Variants in MAD1L1 observed in about 807,000 individuals in gnomAD.
The protein encoded by MAD1L1 is mitotic spindle assembly checkpoint protein MAD1.
In MAD1L1, 95 loss-of-function variants were observed where a neutral mutation model predicts 96.9. The ratio of observed to expected loss-of-function variants is 0.98; its 90% confidence interval spans 0.83 to 1.16. The LOEUF (loss-of-function observed/expected upper bound fraction) is 1.16, where lower values mean the gene tolerates loss of function less well. Ranked by LOEUF, MAD1L1 falls within the 50% of genes most tolerant of loss-of-function variation. The pLI is 0.00. For synonymous variants in MAD1L1, 473 were observed against 396.6 expected (o/e 1.19, Z -2.29); for missense variants, 1,007 against 954.4 (o/e 1.06, Z -0.73).
chr7:1,977,654 C>G (rs1452528921), intron 15 of MAD1L1, among the ~76,000 whole-genome samples: 1 of 152,252 alleles, frequency 6.6e-6, no homozygotes, highest in Non-Finnish European at 1.5e-5. Context: ...TGATAAAGGC[C>G]TTTTCTTAAA....
At chr7:1,963,497 C>T (rs117998432) in intron 15 of MAD1L1, among the ~76,000 whole-genome samples, 2,408 of 152,262 alleles carry the variant, frequency 0.016, 25 homozygotes, top group Middle Eastern at 0.044. Context: ...AATGTGGTAA[C>T]GGCTCCATGG....
At chr7:1,911,959 A>T (rs1583756864) in intron 17 of MAD1L1, among the ~76,000 whole-genome samples, 1 of 152,214 alleles carries the variant, frequency 6.6e-6, no homozygotes, top group African/African-American at 2.4e-5. Flanking sequence ...CCCGCCCTCC[A>T]TGCAGCTGCA....
At chr7:2,013,622 G>A (rs1048132236) in intron 13 of MAD1L1, among the ~76,000 whole-genome samples, 6 of 152,272 alleles carry the variant, frequency 3.9e-5, no homozygotes, top group Non-Finnish European at 8.8e-5. Flanking sequence ...TAAGGCACCC[G>A]GCGGCGGCGT....
intron 12 of MAD1L1, among the ~76,000 whole-genome samples, chr7:2,046,626 G>A (rs1047288470): frequency 1.9e-4 from 29 of 152,136 alleles, no homozygotes; most frequent in Non-Finnish European, 3.4e-4. Flanking sequence ...GATCAGAAGC[G>A]ACACAAACCC....
At chr7:1,839,194 G>A (rs1238273411) in intron 18 of MAD1L1, among the ~76,000 whole-genome samples, 4 of 152,176 alleles carry the variant, frequency 2.6e-5, no homozygotes, top group East Asian at 1.9e-4. Flanking sequence ...CCGCAGCTTC[G>A]TGTAGGTGGA....
intron 12 of MAD1L1, among the ~76,000 whole-genome samples, chr7:2,037,109 C>T (rs1783473370): frequency 6.6e-6 from 1 of 152,186 alleles, no homozygotes; most frequent in Non-Finnish European, 1.5e-5. Context: ...ATGCAGCAAA[C>T]GTGGATCAGG....
At chr7:1,838,192 C>G (rs1332804008) in intron 18 of MAD1L1, among the ~76,000 whole-genome samples, 1 of 152,218 alleles carries the variant, frequency 6.6e-6, no homozygotes, top group African/African-American at 2.4e-5. Flanking sequence ...GCACCCGCAG[C>G]CCCTGGGATG....
intron 16 of MAD1L1, among the ~76,000 whole-genome samples, chr7:1,949,173 C>T (rs1257500359): frequency 6.6e-6 from 1 of 152,188 alleles, no homozygotes; most frequent in African/African-American, 2.4e-5. Flanking sequence ...ACTCTGCGGT[C>T]CAGAGTGTGT....
chr7:2,151,421 G>A (rs868138638), intron 10 of MAD1L1, among the ~76,000 whole-genome samples: 50 of 152,196 alleles, frequency 3.3e-4, no homozygotes, highest in African/African-American at 1.1e-3. Flanking sequence ...CACTGGACCT[G>A]AAACAGCAGG....
In MAD1L1 at chr7:2,149,162, C is replaced by T. The variant is rs200090128; in HGVS notation, c.1063G>A (p.Val355Ile). Residue 355 changes from valine to isoleucine, a missense_variant, in exon 11 of 19, where the codon GTC becomes ATC. By Grantham distance (29) the Val-to-Ile change is conservative. Coordinates refer to ENST00000265854, the MANE Select transcript of MAD1L1 (RefSeq NM_001013836.2). ...ELALKDKNSA[V>I]TSSARGLEKA... ...GGCGGCCAGGTCTACCTGCTGGTGA[C>T]GGCGCTGTTCTTGTCCTTCAAGGCA... 155 of 1,613,958 alleles carry T rather than the reference C, an allele frequency of 9.6e-5. No individual in the cohort carries two copies. The highest frequency in any genetic ancestry group is 1.6e-4 in the Middle Eastern group (1 of 6,068).
At chr7:1,854,444 G>A (rs1164027064) in intron 18 of MAD1L1, 5 of 448,308 alleles carry the variant, frequency 1.1e-5, no homozygotes, top group African/African-American at 2.0e-5. Flanking sequence ...CAGGCCTGGA[G>A]GCCACAAGGG....
chr7:1,905,759 G>A (rs1430413340), intron 17 of MAD1L1, among the ~76,000 whole-genome samples: 1 of 152,174 alleles, frequency 6.6e-6, no homozygotes, highest in Non-Finnish European at 1.5e-5. Context: ...GATTTTAAGA[G>A]GAACCTGGGG....
intron 18 of MAD1L1, among the ~76,000 whole-genome samples, chr7:1,836,936 G>C (rs1419559915): frequency 6.6e-6 from 1 of 152,130 alleles, no homozygotes; most frequent in Admixed American, 6.5e-5. Context: ...GACAGCAAAA[G>C]CACACTCCAT....
rs559107184 is a variant in MAD1L1 at position 2,119,446 on chromosome 7, T to C, written c.1073+29706A>G. On this transcript the variant is annotated intron_variant, in intron 11 of 18. Coordinates refer to ENST00000265854, the MANE Select transcript of MAD1L1 (RefSeq NM_001013836.2). The surrounding 1 kb of genome is among the most constrained non-coding windows in gnomAD (Gnocchi z 4.6). ...AGGAGCTGTCGTGGGGCGCACACTCTCTGTAGCTGGCCAAAGCTGGACGAC... is the reference window on the plus strand; with the variant it reads ...AGGAGCTGTCGTGGGGCGCACACTCCCTGTAGCTGGCCAAAGCTGGACGAC... Among the ~76,000 whole-genome samples the C allele has an allele frequency of 1.4e-4, 22 of 152,134 alleles. No individual in the cohort carries two copies. Among genetic ancestry groups the C allele is most frequent in the African/African-American group, 5.3e-4 (22 of 41,488 alleles).
Position 1,949,339 on chromosome 7 carries a change from G to A in MAD1L1, c.1596+8290C>T, listed in dbSNP as rs115244142. Among the ~76,000 whole-genome samples, 1,307 of 152,286 alleles carry A rather than the reference G, an allele frequency of 8.6e-3. 15 individuals carry two copies. Among genetic ancestry groups the A allele is most frequent in the African/African-American group, 0.03 (1,265 of 41,566 alleles). Reference sequence around the variant, plus strand: ...TCTGCCGGGCACGCAAGCATCGCCCGGGGGGACCCGCGCAGTGAAACCAAA... The same window carrying A: ...TCTGCCGGGCACGCAAGCATCGCCCAGGGGGACCCGCGCAGTGAAACCAAA... On this transcript the variant is annotated intron_variant, in intron 16 of 18. Coordinates refer to ENST00000265854, the MANE Select transcript of MAD1L1 (RefSeq NM_001013836.2).
chr7:1,833,538 T>C (rs1782806205), intron 18 of MAD1L1, among the ~76,000 whole-genome samples: 1 of 152,228 alleles, frequency 6.6e-6, no homozygotes, highest in African/African-American at 2.4e-5. Flanking sequence ...TGTCAGCTAC[T>C]TGACATCGAT....
At chr7:2,083,008 G>A (rs3800890) in intron 11 of MAD1L1, among the ~76,000 whole-genome samples, 95,091 of 152,052 alleles carry the variant, frequency 0.63, 29,854 homozygotes, top group Admixed American at 0.69. Context: ...TCCCCTGCCC[G>A]TCAATCAGGA....
chr7:2,129,791 C>G (rs904570948), intron 11 of MAD1L1, among the ~76,000 whole-genome samples: 5 of 152,234 alleles, frequency 3.3e-5, no homozygotes, highest in African/African-American at 1.2e-4. Flanking sequence ...CTCGAGCCAA[C>G]GGCCTCCCCC....
At position 2,158,034 on chromosome 7, in the gene MAD1L1, T is replaced by C. The variant is rs1173395467; in HGVS notation, c.987-8796A>G. On this transcript the variant is annotated intron_variant, in intron 10 of 18. Coordinates refer to ENST00000265854, the MANE Select transcript of MAD1L1 (RefSeq NM_001013836.2). ...CCTCAGCTCGGAGATGACACGGCAG[T>C]GACAGTTCCAACTGCAGTCCAAGCT... is the stretch of plus-strand genomic sequence containing the variant. Among the ~76,000 whole-genome samples, 4 of 152,336 alleles carry C rather than the reference T, an allele frequency of 2.6e-5. No homozygotes were observed. In the East Asian group the frequency reaches 7.7e-4, roughly 29 times the overall value.
Sources: allele counts gnomAD v4.1 joint callset (sites outside exome capture counted in the v4.1 genomes callset), GRCh38; gene constraint gnomAD v4.1.1; non-coding constraint Gnocchi (gnomAD v3.1); transcripts MANE v1.5; gene names NCBI Gene and HGNC (gene_info 2026-07-23, HGNC 2026-07-21).